SLC8A1: variants seen among roughly 807,000 people sequenced by gnomAD.
SLC8A1 encodes solute carrier family 8 member A1.
Under a neutral mutation model 68.3 loss-of-function variants are expected in SLC8A1, and 18 were observed. The observed-to-expected ratio is 0.26, with a 90% CI of 0.18 to 0.39. SLC8A1 has a LOEUF of 0.39. Among genes scored for constraint, SLC8A1 ranks in the 10% least tolerant of loss-of-function variants. SLC8A1 has a pLI of 1.00. For synonymous variants in SLC8A1, 475 were observed against 415.5 expected, an observed-to-expected ratio of 1.14 and a Z score of -1.74; for missense variants, 985 against 1,156.7, an observed-to-expected ratio of 0.85 and a Z score of 2.15.
At chr2:40,272,408 C>A (rs1003520973) in intron 2 of SLC8A1, among the ~76,000 whole-genome samples, 2 of 152,188 alleles carry the variant, frequency 1.3e-5, no homozygotes, top group African/African-American at 4.8e-5. Flanking sequence ...TCCCTCCTAC[C>A]CTACAGACCT....
chr2:40,290,877 G>A (rs1264475128), intron 2 of SLC8A1, among the ~76,000 whole-genome samples: 1 of 152,110 alleles, frequency 6.6e-6, no homozygotes, highest in Non-Finnish European at 1.5e-5. Flanking sequence ...TTAAAAAACT[G>A]AACAGAAAGT....
intron 2 of SLC8A1, among the ~76,000 whole-genome samples, chr2:40,221,584 G>T (rs567964896): frequency 1.2e-4 from 19 of 152,334 alleles, no homozygotes; most frequent in Admixed American, 9.1e-4. Flanking sequence ...AAGAGAGGAA[G>T]TCAATTTGTC....
chr2:40,482,962 T>A (rs1216921439), intron 1 of SLC8A1, among the ~76,000 whole-genome samples: 4 of 150,196 alleles, frequency 2.7e-5, no homozygotes, highest in Admixed American at 6.6e-5. Context: ...GGCTTTTTTT[T>A]TTTTTTTTCT....
intron 2 of SLC8A1, chr2:40,337,365 A>G: frequency 6.0e-6 from 2 of 331,210 alleles, no homozygotes; most frequent in South Asian, 4.6e-5. Context: ...GCTCAGTCGT[A>G]CAGAGTAGTT....
At chr2:40,486,725 T>C (rs1396555062) in intron 1 of SLC8A1, among the ~76,000 whole-genome samples, 1 of 152,120 alleles carries the variant, frequency 6.6e-6, no homozygotes, top group African/African-American at 2.4e-5. Flanking sequence ...TAATTTCTTT[T>C]TTTTTTTATT....
At chr2:40,379,005 T>C (rs72798634) in intron 2 of SLC8A1, among the ~76,000 whole-genome samples, 2,675 of 152,240 alleles carry the variant, frequency 0.018, 30 homozygotes, top group Non-Finnish European at 0.027. Context: ...CAGACTGGAA[T>C]GTTCACCCCA....
At chr2:40,502,924 T>C (rs1442622947) in intron 1 of SLC8A1, among the ~76,000 whole-genome samples, 1 of 151,934 alleles carries the variant, frequency 6.6e-6, no homozygotes, top group East Asian at 1.9e-4. Context: ...ATCTCATACC[T>C]AAAAGCTCGA....
intron 1 of SLC8A1, among the ~76,000 whole-genome samples, chr2:40,466,395 TAC>T (rs1703675595): frequency 6.6e-6 from 1 of 152,178 alleles, no homozygotes; most frequent in African/African-American, 2.4e-5. Flanking sequence ...TCACAGGGGC[TAC>T]ACTCAAGCAT....
At chr2:40,374,431 A>G (rs1679143112) in intron 2 of SLC8A1, among the ~76,000 whole-genome samples, 1 of 151,970 alleles carries the variant, frequency 6.6e-6, no homozygotes, top group Non-Finnish European at 1.5e-5. Flanking sequence ...AATAATTTAT[A>G]TATGGAAAGG....
intron 2 of SLC8A1, among the ~76,000 whole-genome samples, chr2:40,260,038 G>A (rs1471883606): frequency 6.6e-6 from 1 of 152,148 alleles, no homozygotes; most frequent in East Asian, 1.9e-4. Flanking sequence ...AGTACAGTGT[G>A]AACAACTTAT....
intron 1 of SLC8A1, among the ~76,000 whole-genome samples, chr2:40,459,524 A>G (rs935582379): frequency 6.6e-6 from 1 of 152,180 alleles, no homozygotes; most frequent in African/African-American, 2.4e-5. Context: ...ATTCATATTA[A>G]ATACATCCAA....
intron 4 of SLC8A1, among the ~76,000 whole-genome samples, chr2:40,166,473 C>T (rs1201237137): frequency 6.6e-6 from 1 of 152,150 alleles, no homozygotes; most frequent in African/African-American, 2.4e-5. Flanking sequence ...AAATTAGTTG[C>T]AGACTAAAAA....
At chr2:40,121,648 T>C (rs2036847295) in intron 7 of SLC8A1, among the ~76,000 whole-genome samples, 1 of 152,202 alleles carries the variant, frequency 6.6e-6, no homozygotes, top group Admixed American at 6.5e-5. Context: ...CATAGGGTTT[T>C]GAAGGAAATG....
intron 2 of SLC8A1, among the ~76,000 whole-genome samples, chr2:40,408,858 T>C (rs1037540347): frequency 6.6e-6 from 1 of 152,016 alleles, no homozygotes; most frequent in Non-Finnish European, 1.5e-5. Flanking sequence ...TCAACTTAAG[T>C]ATTGAATCCA....
chr2:40,336,482 C>T (rs1666015777), intron 2 of SLC8A1, among the ~76,000 whole-genome samples: 1 of 152,176 alleles, frequency 6.6e-6, no homozygotes, highest in Non-Finnish European at 1.5e-5. Flanking sequence ...TAAACTAGTA[C>T]AGAGGGCTCC....
intron 2 of SLC8A1, among the ~76,000 whole-genome samples, chr2:40,222,223 A>T (rs976645744): frequency 6.6e-6 from 1 of 152,168 alleles, no homozygotes; most frequent in Non-Finnish European, 1.5e-5. Flanking sequence ...ATAATACCAC[A>T]TATCTACAAC....
At chr2:40,126,132 C>A (rs17025157) in intron 7 of SLC8A1, among the ~76,000 whole-genome samples, 23,030 of 152,074 alleles carry the variant, frequency 0.15, 2,094 homozygotes, top group African/African-American at 0.24. Flanking sequence ...CCTCATGCTG[C>A]CAGTACATTT....
rs551508130 is a variant in SLC8A1 at position 40,294,055 on chromosome 2, C to CTAGAATT, written c.1809-116207_1809-116201dup. ...CTATGAATGGTAAGAGGGAAACCAA[C>CTAGAATT]TAGAATTTGCTGCTCATTCACCTCA... On this transcript the variant is annotated intron_variant, in intron 2 of 7. Transcript: ENST00000406785. Among the ~76,000 whole-genome samples, 35 of 152,228 alleles carry CTAGAATT rather than the reference C, an allele frequency of 2.3e-4. 1 individual carries two copies. The East Asian group carries it at 6.6e-3, about 29-fold the overall frequency.
At chr2:40,214,945 G>C (rs910610218) in intron 2 of SLC8A1, among the ~76,000 whole-genome samples, 2 of 152,044 alleles carry the variant, frequency 1.3e-5, no homozygotes, top group Non-Finnish European at 2.9e-5. Flanking sequence ...GATTTTACCG[G>C]ATCAATTCTC....
Sources: gnomAD v4.1 joint callset for allele counts (sites outside exome capture counted in the v4.1 genomes callset) on GRCh38, gnomAD v4.1.1 for gene constraint, MANE v1.5 for transcripts, NCBI Gene and HGNC (gene_info 2026-07-23, HGNC 2026-07-21) for gene names.